The following NKAIN3 variants were observed in gnomAD, a reference collection of about 807,000 sequenced individuals.
The protein encoded by NKAIN3 is sodium/potassium-transporting ATPase subunit beta-1-interacting protein 3.
A neutral mutation model predicts 30.2 loss-of-function variants in NKAIN3; 25 were observed. The ratio of observed to expected loss-of-function variants is 0.83; its 90% CI spans 0.60 to 1.16. The LOEUF (loss-of-function observed/expected upper bound fraction) is 1.16, where lower values mean the gene tolerates loss of function less well. Among genes scored for constraint, NKAIN3 ranks in the 50% most tolerant of loss-of-function variants. The pLI, the probability that NKAIN3 is intolerant of heterozygous loss-of-function variation, is 0.00. For synonymous variants in NKAIN3, 91 were observed against 89.6 expected (o/e 1.02, Z -0.09); for missense variants, 225 against 254.1 (o/e 0.89, Z 0.78).
chr8:62,275,549 A>T (rs1812921803), intron 1 of NKAIN3, among the ~76,000 whole-genome samples: 1 of 152,206 alleles, frequency 6.6e-6, no homozygotes, highest in African/African-American at 2.4e-5. Context: ...GTAATCATAA[A>T]AATTCTTCCT....
intron 6 of NKAIN3, among the ~76,000 whole-genome samples, chr8:62,961,309 C>T (rs1823564249): frequency 6.6e-6 from 1 of 151,438 alleles, no homozygotes; most frequent in African/African-American, 2.4e-5. Context: ...GTCAACGAGA[C>T]ATTTTGTGTC....
chr8:62,587,871 G>C (rs955242433), intron 2 of NKAIN3, among the ~76,000 whole-genome samples: 4 of 151,974 alleles, frequency 2.6e-5, no homozygotes, highest in African/African-American at 4.8e-5. Context: ...ACTTGTGAGA[G>C]ATCCTGAATA....
intron 1 of NKAIN3, among the ~76,000 whole-genome samples, chr8:62,522,376 T>C (rs1808185223): frequency 6.6e-6 from 1 of 152,066 alleles, no homozygotes; most frequent in Admixed American, 6.6e-5. Context: ...ACAGCAAAAA[T>C]ACTTGATAAT....
intron 4 of NKAIN3, among the ~76,000 whole-genome samples, chr8:62,748,305 GC>G (rs1816154128): frequency 6.6e-6 from 1 of 152,116 alleles, no homozygotes; most frequent in South Asian, 2.1e-4. Flanking sequence ...CTGGCTGTTG[GC>G]CCCATTCTCC....
chr8:62,886,939 G>C (rs1177592674), intron 4 of NKAIN3, among the ~76,000 whole-genome samples: 6 of 152,030 alleles, frequency 3.9e-5, no homozygotes, highest in Admixed American at 1.3e-4. Context: ...TTCTGTGTTA[G>C]TTTGCTGAGG....
At chr8:62,700,928 C>T (rs910822314) in intron 3 of NKAIN3, among the ~76,000 whole-genome samples, 5 of 152,134 alleles carry the variant, frequency 3.3e-5, no homozygotes, top group Non-Finnish European at 5.9e-5. Flanking sequence ...TCATGGTGCT[C>T]TTGGCCAGAA....
intron 1 of NKAIN3, among the ~76,000 whole-genome samples, chr8:62,313,510 G>T (rs1232430321): frequency 6.6e-6 from 1 of 152,072 alleles, no homozygotes; most frequent in Non-Finnish European, 1.5e-5. Flanking sequence ...ATGTAAGTTG[G>T]AATGTTTTCT....
intron 4 of NKAIN3, among the ~76,000 whole-genome samples, chr8:62,835,159 T>C (rs1585872): frequency 0.1 from 15,092 of 146,632 alleles, 1,000 homozygotes; most frequent in East Asian, 0.29. Context: ...ACCTTTCACA[T>C]ATACAATACT....
chr8:62,300,407 A>G (rs1425227625), intron 1 of NKAIN3, among the ~76,000 whole-genome samples: 1 of 152,146 alleles, frequency 6.6e-6, no homozygotes, highest in African/African-American at 2.4e-5. Flanking sequence ...GTAGATCTAG[A>G]TCATAATGAG....
At chr8:62,679,430 A>T (rs1487318926) in intron 3 of NKAIN3, among the ~76,000 whole-genome samples, 1 of 152,228 alleles carries the variant, frequency 6.6e-6, no homozygotes, top group Admixed American at 6.5e-5. Flanking sequence ...AGATGACCTC[A>T]TCCTAATATT....
intron 4 of NKAIN3, among the ~76,000 whole-genome samples, chr8:62,890,790 A>G (rs1197529561): frequency 6.6e-6 from 1 of 152,192 alleles, no homozygotes; most frequent in Non-Finnish European, 1.5e-5. Flanking sequence ...TGGTAACCAA[A>G]AAGAAAGGGT....
intron 4 of NKAIN3, among the ~76,000 whole-genome samples, chr8:62,763,253 A>C (rs1256056666): frequency 1.4e-5 from 2 of 140,136 alleles, no homozygotes; most frequent in African/African-American, 5.5e-5. Flanking sequence ...AAAAAAAAAA[A>C]AAAAAAAACT....
chr8:62,662,023 G>C lies in NKAIN3; in HGVS notation c.273+72229G>C, dbSNP rs553116183. 7.2e-5 allele frequency among the ~76,000 whole-genome samples: 11 copies of C among 152,314 alleles called. No individual in the cohort carries two copies. In the South Asian group the frequency reaches 2.3e-3, roughly 32 times the overall value. On this transcript the variant is annotated intron_variant, in intron 3 of 6. Transcript: ENST00000623646. ...CCCACCAAGGTCACTATGTGACTCT[G>C]AGAGGCTTGTCCATCAGCCCTTAGA...
chr8:62,387,725 C>T (rs750061006), intron 1 of NKAIN3, among the ~76,000 whole-genome samples: 6 of 152,150 alleles, frequency 3.9e-5, no homozygotes, highest in East Asian at 1.9e-4. Flanking sequence ...CACTTAACCA[C>T]GTTCCTTATC....
rs115059162 is a variant in NKAIN3, at chr8:62,827,673, C to T, written c.471+80544C>T. On this transcript the variant is annotated intron_variant, in intron 4 of 6. Transcript: ENST00000623646. ...GGTAGACCAGATAGAAGTCTACAAACTTAAAAATATATATATTGTGTAAAT... is the reference window on the plus strand; with the variant it reads ...GGTAGACCAGATAGAAGTCTACAAATTTAAAAATATATATATTGTGTAAAT... Among the ~76,000 whole-genome samples, 349 of 152,110 alleles carry T rather than the reference C, an allele frequency of 2.3e-3. 3 individuals carry two copies. The highest frequency in any genetic ancestry group is 7.8e-3 in the African/African-American group (323 of 41,508).
Position 62,965,381 on chromosome 8 carries a change from G to C in NKAIN3, c.631G>C (p.Glu211Gln). 1.0e-6 allele frequency: 1 copy of C among 985,778 alleles called. No individual in the cohort carries two copies. Among genetic ancestry groups the C allele is most frequent in the Non-Finnish European group, 1.2e-6 (1 of 829,908 alleles). The allele number at this position is 985,778 out of a possible 1,614,324, so 61.1% of individuals were successfully genotyped here. ...PVEISNDIEPEMRLLNLT is the reference protein window; with the variant it reads ...PVEISNDIEPQMRLLNLT ...CGAAATAAGTAATGACATTGAACCAGAAATGCGGCTGCTGAACTTGACTTA... is the reference window on the plus strand; with the variant it reads ...CGAAATAAGTAATGACATTGAACCACAAATGCGGCTGCTGAACTTGACTTA... Residue 211 changes from glutamate (E) to glutamine (Q), a missense_variant, in exon 7 of 7, where the codon GAA becomes CAA. Coordinates refer to ENST00000623646, the MANE Select transcript of NKAIN3 (RefSeq NM_001304533.3).
intron 1 of NKAIN3, among the ~76,000 whole-genome samples, chr8:62,412,223 T>A (rs746866139): frequency 6.6e-6 from 1 of 151,866 alleles, no homozygotes; most frequent in Non-Finnish European, 1.5e-5. Flanking sequence ...AAGAGACACA[T>A]GGACTAGTGG....
chr8:62,392,328 C>T (rs1383620815), intron 1 of NKAIN3, among the ~76,000 whole-genome samples: 1 of 152,056 alleles, frequency 6.6e-6, no homozygotes, highest in African/African-American at 2.4e-5. Flanking sequence ...TAACTATAAA[C>T]TTTAAAAAAT....
chr8:62,717,739 C>T (rs1436557059), intron 3 of NKAIN3, among the ~76,000 whole-genome samples: 1 of 152,024 alleles, frequency 6.6e-6, no homozygotes, highest in East Asian at 1.9e-4. Flanking sequence ...TTTTAATTTA[C>T]TAGACAATAG....
Sources: allele counts gnomAD v4.1 joint callset (sites outside exome capture counted in the v4.1 genomes callset), GRCh38; gene constraint gnomAD v4.1.1; transcripts MANE v1.5; gene names NCBI Gene and HGNC (gene_info 2026-07-23, HGNC 2026-07-21).